The following ABCB5 variants were observed in gnomAD, a reference collection of about 807,000 sequenced individuals.
ABCB5 encodes ATP binding cassette subfamily B member 5.
ABCB5 carries 155 observed loss-of-function variants against 144.2 expected under a neutral mutation model. The observed-to-expected ratio is 1.08, with a 90% confidence interval of 0.94 to 1.23. The LOEUF (loss-of-function observed/expected upper bound fraction) is 1.23, where lower values mean the gene tolerates loss of function less well. Among genes scored for constraint, ABCB5 ranks in the 50% most tolerant of loss-of-function variants. The pLI, the probability that ABCB5 is intolerant of heterozygous loss-of-function variation, is 0.00. For synonymous variants in ABCB5, 610 were observed against 528.6 expected, an observed-to-expected ratio of 1.15 and a Z score of -2.11; for missense variants, 1,830 against 1,520.8, an observed-to-expected ratio of 1.20 and a Z score of -3.38.
At chr7:20,749,026 G>A (rs2128057039) in intron 26 of ABCB5, among the ~76,000 whole-genome samples, 1 of 152,082 alleles carries the variant, frequency 6.6e-6, no homozygotes, top group South Asian at 2.1e-4. Context: ...TACTTTCCCT[G>A]TCTTCCTTCC....
chr7:20,634,890 G>C (rs1784118830), intron 5 of ABCB5, among the ~76,000 whole-genome samples: 1 of 152,012 alleles, frequency 6.6e-6, no homozygotes, highest in Non-Finnish European at 1.5e-5. Context: ...TTCTTTTGCT[G>C]TGCAGAAGCT....
rs1250264716 is a variant in ABCB5, at chr7:20,756,493, A to C, written c.*869A>C. ...CCCCGTCTCTACTAAAAACACAAAA[A>C]TTAGCCAATCTTGGTGGCGGGCACC... On this transcript the variant is annotated 3_prime_UTR_variant, in exon 28 of 28. Coordinates refer to ENST00000404938, the MANE Select transcript of ABCB5 (RefSeq NM_001163941.2). 1 of 152,162 alleles carries C rather than the reference A, an allele frequency of 6.6e-6. No homozygotes were observed. Among genetic ancestry groups the C allele is most frequent in the African/African-American group, 2.4e-5 (1 of 41,418 alleles). The allele number at this position is 152,162 out of a possible 1,614,324, so 9.4% of individuals were successfully genotyped here. A position where few individuals can be genotyped will look rare whatever the true frequency, so the allele number is the denominator to read the frequency against.
chr7:20,749,380 A>T (rs968556186), intron 26 of ABCB5, among the ~76,000 whole-genome samples: 1 of 121,886 alleles, frequency 8.2e-6, no homozygotes, highest in Non-Finnish European at 1.7e-5. Flanking sequence ...GGTGCCTGCC[A>T]CCTATGCCTG....
intron 20 of ABCB5, among the ~76,000 whole-genome samples, chr7:20,710,023 C>G (rs1350187700): frequency 6.8e-6 from 1 of 146,124 alleles, no homozygotes; most frequent in Non-Finnish European, 1.5e-5. Flanking sequence ...CAAGACCATG[C>G]CACTGCACTC....
chr7:20,751,144 A>G (rs4721944), intron 26 of ABCB5, among the ~76,000 whole-genome samples: 39,378 of 152,070 alleles, frequency 0.26, 6,096 homozygotes, highest in Non-Finnish European at 0.36. Context: ...TTAAGGAGCC[A>G]TTACCCCTTG....
In ABCB5 at chr7:20,755,731, G is replaced by A. The variant is rs1783070233; in HGVS notation, c.*107G>A. ...CTTTTATTGCATATATCAATACCTAGAATCATGCTACTCAAGTACATACAT... is the reference window on the plus strand; with the variant it reads ...CTTTTATTGCATATATCAATACCTAAAATCATGCTACTCAAGTACATACAT... On this transcript the variant is annotated 3_prime_UTR_variant, in exon 28 of 28. Coordinates refer to ENST00000404938, the MANE Select transcript of ABCB5 (RefSeq NM_001163941.2). 9.9e-7 allele frequency: 1 copy of A among 1,007,382 alleles called. No individual in the cohort carries two copies. The highest frequency in any genetic ancestry group is 1.5e-6 in the Non-Finnish European group (1 of 679,152). The allele number at this position is 1,007,382 out of a possible 1,614,324, so 62.4% of individuals were successfully genotyped here. A position where few individuals can be genotyped will look rare whatever the true frequency, so the allele number is the denominator to read the frequency against.
At chr7:20,642,474 C>G in intron 5 of ABCB5, among the ~76,000 whole-genome samples, 1 of 152,180 alleles carries the variant, frequency 6.6e-6, no homozygotes, top group East Asian at 1.9e-4. Context: ...CATGTTTACT[C>G]ACCAGTTATT....
At chr7:20,633,219 G>A (rs921804875) in intron 5 of ABCB5, among the ~76,000 whole-genome samples, 3 of 151,932 alleles carry the variant, frequency 2.0e-5, no homozygotes, top group African/African-American at 7.3e-5. Flanking sequence ...TAATTTATAA[G>A]GATGTTCTGT....
intron 15 of ABCB5, among the ~76,000 whole-genome samples, chr7:20,683,949 A>G (rs1290376917): frequency 1.7e-5 from 2 of 120,434 alleles, no homozygotes; most frequent in African/African-American, 6.5e-5. Context: ...CTTGGTCACT[A>G]CAAGTTGACT....
intron 1 of ABCB5, among the ~76,000 whole-genome samples, chr7:20,618,318 G>A (rs551481211): frequency 9.9e-5 from 15 of 152,206 alleles, no homozygotes; most frequent in Non-Finnish European, 1.8e-4. Context: ...TCGTGATTGG[G>A]TTATTGTACT....
intron 19 of ABCB5, among the ~76,000 whole-genome samples, chr7:20,702,732 G>A (rs1285037579): frequency 6.9e-6 from 1 of 145,746 alleles, no homozygotes; most frequent in Non-Finnish European, 1.5e-5. Flanking sequence ...CGTGATCTCG[G>A]CTCACTGCAA....
At chr7:20,664,172 AT>A (rs1328241350) in intron 14 of ABCB5, among the ~76,000 whole-genome samples, 1 of 152,212 alleles carries the variant, frequency 6.6e-6, no homozygotes, top group Non-Finnish European at 1.5e-5. Flanking sequence ...ACCCTTTAAA[AT>A]GGCTATAATG....
At chr7:20,665,723 A>G (rs923462160) in intron 14 of ABCB5, among the ~76,000 whole-genome samples, 2 of 132,836 alleles carry the variant, frequency 1.5e-5, no homozygotes, top group Non-Finnish European at 3.1e-5. Context: ...ATAGAGATGG[A>G]AAGATAGATA....
Position 20,685,712 on chromosome 7 carries a change from A to G in ABCB5, c.1886A>G (p.Asp629Gly), listed in dbSNP as rs1412727085. The change falls in exon 16 of 28, where the codon GAT becomes GGT. Residue 629 changes from aspartate to glycine, a missense_variant. Transcript: ENST00000404938. Reference protein sequence around the residue: ...LVMSQDIKKADEQMESMTYST... With the variant: ...LVMSQDIKKAGEQMESMTYST... ...TCCTGTAAGGATATTAAAAAAGCTG[A>G]TGAACAGATGGAGTCAATGACATAT... 1 of 1,609,298 alleles carries G rather than the reference A, an allele frequency of 6.2e-7. No individual in the cohort carries two copies. The highest frequency in any genetic ancestry group is 1.7e-5 in the Admixed American group (1 of 59,196).
intron 1 of ABCB5, among the ~76,000 whole-genome samples, chr7:20,616,258 A>C (rs1783681790): frequency 6.6e-6 from 1 of 152,090 alleles, no homozygotes; most frequent in South Asian, 2.1e-4. Context: ...CTGGTCTCGA[A>C]CTCCTGACCT....
intron 13 of ABCB5, 81 bp from the exon 14 acceptor site, chr7:20,658,424 AC>A (rs1784883982): frequency 7.2e-7 from 1 of 1,387,214 alleles, no homozygotes; most frequent in East Asian, 2.3e-5. Flanking sequence ...ATATTAAAAC[AC>A]AACTGGGATT....
intron 24 of ABCB5, 41 bp from the exon 25 acceptor site, chr7:20,742,836 C>T: frequency 6.3e-7 from 1 of 1,599,546 alleles, no homozygotes; most frequent in Non-Finnish European, 8.6e-7. Context: ...TTACAACCTT[C>T]CCAAGTCATT....
chr7:20,721,343 C>G (rs1386344722), intron 20 of ABCB5, among the ~76,000 whole-genome samples: 1 of 152,120 alleles, frequency 6.6e-6, no homozygotes, highest in South Asian at 2.1e-4. Flanking sequence ...TTGTACGGGA[C>G]TAGTGATAGT....
At chr7:20,667,335 T>A (rs1395827815) in intron 14 of ABCB5, 5 of 984,724 alleles carry the variant, frequency 5.1e-6, no homozygotes, top group Non-Finnish European at 4.8e-6. Flanking sequence ...ACCTGTGAAG[T>A]GAATCCCCTG....
Sources: gnomAD v4.1 joint callset for allele counts (sites outside exome capture counted in the v4.1 genomes callset) on GRCh38, gnomAD v4.1.1 for gene constraint, MANE v1.5 for transcripts, NCBI Gene and HGNC (gene_info 2026-07-23, HGNC 2026-07-21) for gene names.